ZDHHC2: variants seen among roughly 807,000 people sequenced by gnomAD.
The protein encoded by ZDHHC2 is palmitoyltransferase ZDHHC2.
In ZDHHC2, 51 loss-of-function variants were observed where a neutral mutation model predicts 55.6. That is an observed-to-expected ratio of 0.92 (90% CI 0.73 to 1.16). The LOEUF (loss-of-function observed/expected upper bound fraction) is 1.16. Ranked by LOEUF, ZDHHC2 falls within the 50% of genes most tolerant of loss-of-function variation. The pLI, the probability that ZDHHC2 is intolerant of heterozygous loss-of-function variation, is 0.00. For missense variants in ZDHHC2, 491 were observed against 442.4 expected (o/e 1.11, Z -0.99); for synonymous variants, 199 against 152.9 (o/e 1.30, Z -2.22).
At chr8:17,163,407 T>G in intron 1 of ZDHHC2, among the ~76,000 whole-genome samples, 1 of 152,134 alleles carries the variant, frequency 6.6e-6, no homozygotes, top group East Asian at 1.9e-4. Flanking sequence ...TGGTGAGAAG[T>G]GTGCTAGCGG....
intron 1 of ZDHHC2, among the ~76,000 whole-genome samples, chr8:17,180,204 G>T (rs1248779023): frequency 6.6e-6 from 1 of 152,066 alleles, no homozygotes; most frequent in Non-Finnish European, 1.5e-5. Context: ...AAGTTAAACA[G>T]TGCCTATCCA....
At chr8:17,188,779 A>G (rs1348076085) in intron 3 of ZDHHC2, among the ~76,000 whole-genome samples, 4 of 152,200 alleles carry the variant, frequency 2.6e-5, no homozygotes, top group Non-Finnish European at 4.4e-5. Context: ...TCTAATAGAA[A>G]TTTCAGGTTC....
At chr8:17,199,749 CTTCT>C (rs1174491291) in intron 6 of ZDHHC2, among the ~76,000 whole-genome samples, 1 of 146,586 alleles carries the variant, frequency 6.8e-6, no homozygotes, top group East Asian at 2.0e-4. Context: ...CTTCGTCCTT[CTTCT>C]TTCTTCTTCT....
At chr8:17,202,955 T>G (rs1427476676) in intron 6 of ZDHHC2, among the ~76,000 whole-genome samples, 1 of 152,084 alleles carries the variant, frequency 6.6e-6, no homozygotes, top group African/African-American at 2.4e-5. Context: ...TATTATTTAA[T>G]TCAAGAGCTG....
chr8:17,217,904 A>G (rs2150952003), intron 12 of ZDHHC2, among the ~76,000 whole-genome samples: 1 of 152,348 alleles, frequency 6.6e-6, no homozygotes, highest in South Asian at 2.1e-4. Context: ...ACAACTATAT[A>G]ATAAACAGTT....
intron 1 of ZDHHC2, among the ~76,000 whole-genome samples, chr8:17,178,386 A>T (rs545576109): frequency 2.6e-5 from 4 of 152,296 alleles, no homozygotes; most frequent in African/African-American, 9.6e-5. Context: ...ATTAATATAT[A>T]GTATCTATAT....
At chr8:17,199,814 C>T (rs1806647577) in intron 6 of ZDHHC2, among the ~76,000 whole-genome samples, 1 of 146,138 alleles carries the variant, frequency 6.8e-6, no homozygotes, top group Non-Finnish European at 1.5e-5. Context: ...GGCTGGAGTG[C>T]GGTAGCGTGA....
chr8:17,169,538 GAT>G (rs1804754828), intron 1 of ZDHHC2, among the ~76,000 whole-genome samples: 1 of 152,176 alleles, frequency 6.6e-6, no homozygotes, highest in Non-Finnish European at 1.5e-5. Flanking sequence ...TACGCAAACT[GAT>G]AAAGAGGAGT....
At chr8:17,220,039 T>G (rs1017457186) in intron 12 of ZDHHC2, among the ~76,000 whole-genome samples, 1 of 152,196 alleles carries the variant, frequency 6.6e-6, no homozygotes, top group African/African-American at 2.4e-5. Context: ...TGCAATTTTT[T>G]TTTTTGCATT....
rs140159141 is a variant in ZDHHC2, at chr8:17,161,139, G to C, written c.130+4286G>C. On this transcript the variant is annotated intron_variant, in intron 1 of 12. Transcript: ENST00000262096. ...ACAAAATACACAAAGCCTCCTACTT[G>C]GATTCTGTGAAGTTATGACCTACCA... is the stretch of plus-strand genomic sequence containing the variant. Among the ~76,000 whole-genome samples, 409 of 152,262 alleles carry C rather than the reference G, an allele frequency of 2.7e-3. 1 individual carries two copies. The highest frequency in any genetic ancestry group is 9.3e-3 in the African/African-American group (387 of 41,554).
chr8:17,168,217 A>G (rs1415733472), intron 1 of ZDHHC2, among the ~76,000 whole-genome samples: 1 of 152,190 alleles, frequency 6.6e-6, no homozygotes, highest in African/African-American at 2.4e-5. Context: ...CATTCTTTTG[A>G]ATCTCAAGCA....
At chr8:17,206,496 A>C (rs1427415628) in intron 7 of ZDHHC2, among the ~76,000 whole-genome samples, 1 of 152,186 alleles carries the variant, frequency 6.6e-6, no homozygotes, top group Non-Finnish European at 1.5e-5. Context: ...GTTTATAAAA[A>C]ATAAGTACTG....
chr8:17,213,628 C>T (rs1013213996), intron 10 of ZDHHC2, among the ~76,000 whole-genome samples: 8 of 152,144 alleles, frequency 5.3e-5, no homozygotes, highest in Admixed American at 4.6e-4. Flanking sequence ...GTTTATTTCT[C>T]TTCCTCCATA....
chr8:17,199,639 TCCTCCTC>T (rs1806626354), intron 6 of ZDHHC2, among the ~76,000 whole-genome samples: 2 of 26,218 alleles, frequency 7.6e-5, no homozygotes, highest in Non-Finnish European at 3.1e-4. Context: ...CTTCTTCTTC[TCCTCCTC>T]CTCCTCCCTC....
intron 11 of ZDHHC2, among the ~76,000 whole-genome samples, chr8:17,216,693 A>G (rs1419045938): frequency 6.6e-6 from 1 of 152,186 alleles, no homozygotes; most frequent in Non-Finnish European, 1.5e-5. Context: ...TTCACATGCT[A>G]TTATAATTCT....
Position 17,165,802 on chromosome 8 carries a change from AG to A in ZDHHC2, c.130+8950del, listed in dbSNP as rs1316893124. Among the ~76,000 whole-genome samples, 5 of 152,360 alleles carry A rather than the reference AG, an allele frequency of 3.3e-5. No homozygotes were observed. In the South Asian group the frequency reaches 1.0e-3, roughly 32 times the overall value. ...TTTCGATTTTAAATACAGTAGCCAG[AG>A]AAGGAGAAGAACTCATGAAATTTAA... On this transcript the variant is annotated intron_variant, in intron 1 of 12. Coordinates refer to ENST00000262096, the MANE Select transcript of ZDHHC2 (RefSeq NM_016353.5).
intron 6 of ZDHHC2, among the ~76,000 whole-genome samples, chr8:17,199,654 C>G (rs111952741): frequency 0.43 from 53,911 of 124,000 alleles, 14,303 homozygotes; most frequent in Non-Finnish European, 0.62. Flanking sequence ...CTCCTCCTCC[C>G]TCCTCCCTCC....
chr8:17,196,335 G>T (rs1279367752), intron 4 of ZDHHC2, among the ~76,000 whole-genome samples: 1 of 152,162 alleles, frequency 6.6e-6, no homozygotes, highest in South Asian at 2.1e-4. Flanking sequence ...AAACTGACAT[G>T]TGCTCTAAGT....
intron 1 of ZDHHC2, among the ~76,000 whole-genome samples, chr8:17,170,665 A>G (rs1365161530): frequency 1.3e-5 from 2 of 152,174 alleles, no homozygotes. Flanking sequence ...TCAAACAGCT[A>G]ATAACGTTTG....
Sources: gnomAD v4.1 joint callset for allele counts (sites outside exome capture counted in the v4.1 genomes callset) on GRCh38, gnomAD v4.1.1 for gene constraint, MANE v1.5 for transcripts, NCBI Gene and HGNC (gene_info 2026-07-23, HGNC 2026-07-21) for gene names.